Variants in ANKEF1 observed in about 807,000 individuals in gnomAD.
The protein encoded by ANKEF1 is ankyrin repeat and EF-hand domain-containing protein 1.
ANKEF1 carries 43 observed loss-of-function variants against 65.1 expected under a neutral mutation model. The observed-to-expected ratio is 0.66, with a 90% CI of 0.52 to 0.85. ANKEF1 has a LOEUF of 0.85. Among genes scored for constraint, ANKEF1 ranks in the 40% least tolerant of loss-of-function variants. The probability of loss-of-function intolerance (pLI) is 0.00; values close to 1 mark genes in which losing one functional copy is unlikely to be tolerated. For synonymous variants in ANKEF1, 316 were observed against 341.5 expected (o/e 0.93, Z 0.82); for missense variants, 934 against 952.9 (o/e 0.98, Z 0.26).
At chr20:10,054,372 T>G in intron 9 of ANKEF1, 90 bp from the exon 10 acceptor site, 1 of 1,065,478 alleles carries the variant, frequency 9.4e-7, no homozygotes, top group Non-Finnish European at 1.3e-6. Flanking sequence ...GGTTTCTTTC[T>G]GGCTTCAGAG....
Position 10,055,677 on chromosome 20 carries a change from C to G in ANKEF1, c.*17C>G. On this transcript the variant is annotated 3_prime_UTR_variant, in exon 11 of 11. Transcript: ENST00000378392. ...AAGACCTAAGTCATAGCAGTTATTT[C>G]TTGGGGTAAATGCTTTGAGGCCCAG... The G allele has an allele frequency of 6.2e-7, 1 of 1,612,988 alleles. No homozygotes were observed. The highest frequency in any genetic ancestry group is 8.5e-7 in the Non-Finnish European group (1 of 1,179,198).
chr20:10,041,359 T>C (rs1984180544), intron 3 of ANKEF1, among the ~76,000 whole-genome samples: 1 of 152,040 alleles, frequency 6.6e-6, no homozygotes, highest in African/African-American at 2.4e-5. Flanking sequence ...AACCTGTTTA[T>C]TGAGTTAGCA....
chr20:10,045,558 A>G lies in ANKEF1; in HGVS notation c.697-16A>G. 1 of 1,612,018 alleles carries G rather than the reference A, an allele frequency of 6.2e-7. No homozygotes were observed. The highest frequency in any genetic ancestry group is 8.5e-7 in the Non-Finnish European group (1 of 1,178,400). ...ACATTCCTATTCCTCCACAATATCC[A>G]CTATTTATTTTACAGATATTGAAGC... On this transcript the variant is annotated splice_polypyrimidine_tract_variant and intron_variant, in intron 5 of 10. Coordinates refer to ENST00000378392, the MANE Select transcript of ANKEF1 (RefSeq NM_022096.6).
In ANKEF1 at chr20:10,051,777, A is replaced by G. The variant is rs1158352226; in HGVS notation, c.1758A>G (p.Ala586=). ...LLVESGALID[A]ASINNSTPLN... Reference sequence around the variant, plus strand: ...TTGAATCTGGAGCTTTAATAGATGCAGCTTCAATCAACAACTCAACTCCTT... The same window carrying G: ...TTGAATCTGGAGCTTTAATAGATGCGGCTTCAATCAACAACTCAACTCCTT... Residue 586 remains alanine (A), a synonymous_variant, in exon 8 of 11, where the codon GCA becomes GCG. Coordinates refer to ENST00000378392, the MANE Select transcript of ANKEF1 (RefSeq NM_022096.6). The G allele has an allele frequency of 6.2e-7, 1 of 1,613,800 alleles. No individual in the cohort carries two copies. Among genetic ancestry groups the G allele is most frequent in the Non-Finnish European group, 8.5e-7 (1 of 1,179,828 alleles).
intron 9 of ANKEF1, among the ~76,000 whole-genome samples, chr20:10,053,905 G>A (rs1430105836): frequency 2.0e-5 from 3 of 152,148 alleles, no homozygotes; most frequent in Admixed American, 6.6e-5. Flanking sequence ...GAGTTACTGA[G>A]ACATCAAGAC....
intron 4 of ANKEF1, among the ~76,000 whole-genome samples, 190 bp from the exon 5 acceptor site, chr20:10,044,204 G>A (rs146086389): frequency 5.9e-5 from 9 of 152,220 alleles, no homozygotes; most frequent in Non-Finnish European, 1.2e-4. Flanking sequence ...AGAATTCTAC[G>A]TTTTGGATAC....
Position 10,049,434 on chromosome 20 carries a change from G to A in ANKEF1, c.865G>A (p.Ala289Thr). The change falls in exon 7 of 11, where the codon GCT becomes ACT. Residue 289 changes from alanine (A) to threonine (T), a missense_variant. By Grantham distance (58) the Ala-to-Thr change is moderately conservative. Coordinates refer to ENST00000378392, the MANE Select transcript of ANKEF1 (RefSeq NM_022096.6). Reference protein sequence around the residue: ...WKNLDHKTPRAVAKEGGFKAA... With the variant: ...WKNLDHKTPRTVAKEGGFKAA... ...GAATTTAGATCATAAAACGCCCAGG[G>A]CTGTGGCTAAGGAAGGCGGCTTCAA... 3 of 1,614,090 alleles carry A rather than the reference G, an allele frequency of 1.9e-6. No individual in the cohort carries two copies. Among genetic ancestry groups the A allele is most frequent in the Non-Finnish European group, 2.5e-6 (3 of 1,179,976 alleles).
chr20:10,041,505 T>G (rs1461993262), intron 3 of ANKEF1, among the ~76,000 whole-genome samples: 1 of 152,196 alleles, frequency 6.6e-6, no homozygotes, highest in South Asian at 2.1e-4. Flanking sequence ...TATACTCAAT[T>G]ATAATTACTT....
intron 2 of ANKEF1, among the ~76,000 whole-genome samples, chr20:10,036,418 GATA>G (rs1983862269): frequency 6.6e-6 from 1 of 151,882 alleles, no homozygotes; most frequent in Admixed American, 6.5e-5. Flanking sequence ...GAATATGGCC[GATA>G]ATAATAAAAC....
At chr20:10,036,669 C>G (rs779605801) in intron 2 of ANKEF1, among the ~76,000 whole-genome samples, 11 of 152,194 alleles carry the variant, frequency 7.2e-5, no homozygotes, top group Admixed American at 1.3e-4. Flanking sequence ...TGGTGAAACC[C>G]TGTCTTTACT....
rs771199250 is a variant in ANKEF1, at chr20:10,049,580, G to C, written c.1011G>C (p.Glu337Asp). Reference protein sequence around the residue: ...LRLHDWSVEREAFLREAFAVL... With the variant: ...LRLHDWSVERDAFLREAFAVL... ...TGCACGATTGGTCCGTAGAACGTGAGGCTTTCCTCCGGGAAGCCTTTGCGG... is the reference window on the plus strand; with the variant it reads ...TGCACGATTGGTCCGTAGAACGTGACGCTTTCCTCCGGGAAGCCTTTGCGG... The change falls in exon 7 of 11, where the codon GAG becomes GAC. Residue 337 changes from glutamate (E) to aspartate (D), a missense_variant. Coordinates refer to ENST00000378392, the MANE Select transcript of ANKEF1 (RefSeq NM_022096.6). 6.2e-7 allele frequency: 1 copy of C among 1,614,118 alleles called. No homozygotes were observed. The highest frequency in any genetic ancestry group is 8.5e-7 in the Non-Finnish European group (1 of 1,180,022).
In ANKEF1 at chr20:10,043,177, C is replaced by T. The variant is rs772488530; in HGVS notation, c.402C>T (p.Ile134=). 9 of 1,614,106 alleles carry T rather than the reference C, an allele frequency of 5.6e-6. No homozygotes were observed. In the East Asian group the frequency reaches 6.7e-5, roughly 12 times the overall value. Residue 134 remains isoleucine (I), a synonymous_variant, in exon 4 of 11, where the codon ATC becomes ATT. Coordinates refer to ENST00000378392, the MANE Select transcript of ANKEF1 (RefSeq NM_022096.6). ...PTKRHYRCAL[I]ALEHGADVNN... Reference sequence around the variant, plus strand: ...AGCGGCATTATCGCTGTGCTCTGATCGCCCTTGAACATGGTGCAGATGTCA... The same window carrying T: ...AGCGGCATTATCGCTGTGCTCTGATTGCCCTTGAACATGGTGCAGATGTCA...
chr20:10,049,409 G>T lies in ANKEF1; in HGVS notation c.840G>T (p.Lys280Asn). ...IAQRGCDLKWKNLDHKTPRAV... is the reference protein window; with the variant it reads ...IAQRGCDLKWNNLDHKTPRAV... Reference sequence around the variant, plus strand: ...TTTTAGGATGTGACCTGAAATGGAAGAATTTAGATCATAAAACGCCCAGGG... The same window carrying T: ...TTTTAGGATGTGACCTGAAATGGAATAATTTAGATCATAAAACGCCCAGGG... The change falls in exon 7 of 11, where the codon AAG becomes AAT. Residue 280 changes from lysine (K) to asparagine (N), a missense_variant. Coordinates refer to ENST00000378392, the MANE Select transcript of ANKEF1 (RefSeq NM_022096.6). The T allele has an allele frequency of 1.2e-6, 2 of 1,610,766 alleles. No homozygotes were observed. The highest frequency in any genetic ancestry group is 1.1e-5 in the South Asian group (1 of 90,614).
chr20:10,054,418 G>C (rs1322771116), intron 9 of ANKEF1, 44 bp from the exon 10 acceptor site: 3 of 1,433,882 alleles, frequency 2.1e-6, no homozygotes, highest in African/African-American at 1.5e-5. Context: ...TAGAAAATCA[G>C]TATAGATTTT....
chr20:10,049,933 T>C lies in ANKEF1; in HGVS notation c.1364T>C (p.Met455Thr), dbSNP rs367588188. ...RRQDGGPPYY[M>T]IETYKNVTDS... ...CAGGATGGTGGGCCACCGTATTACA[T>C]GATTGAGACCTACAAGAATGTCACT... Residue 455 changes from methionine to threonine, a missense_variant, in exon 7 of 11, where the codon ATG becomes ACG. By Grantham distance (81) the Met-to-Thr change is moderately conservative. Coordinates refer to ENST00000378392, the MANE Select transcript of ANKEF1 (RefSeq NM_022096.6). 6.8e-6 allele frequency: 11 copies of C among 1,614,094 alleles called. No individual in the cohort carries two copies. The African/African-American group carries it at 1.3e-4, about 20-fold the overall frequency.
At chr20:10,036,222 C>G (rs1168212949) in intron 2 of ANKEF1, among the ~76,000 whole-genome samples, 1 of 152,206 alleles carries the variant, frequency 6.6e-6, no homozygotes, top group Non-Finnish European at 1.5e-5. Flanking sequence ...ACTGTAGCTG[C>G]TAATTAATTC....
rs7260784 is a variant in ANKEF1, at chr20:10,038,521, C to A, written c.220C>A (p.Pro74Thr). Residue 74 changes from proline to threonine, a missense_variant, in exon 3 of 11, where the codon CCT (proline) becomes ACT (threonine). Transcript: ENST00000378392. ...CTTTCTCCTTGACCTTGGTGCTCACCCTGATGTGCAAGACCGAATGGGCTG... is the reference window on the plus strand; with the variant it reads ...CTTTCTCCTTGACCTTGGTGCTCACACTGATGTGCAAGACCGAATGGGCTG... Reference protein sequence around the residue: ...VSFLLDLGAHPDVQDRMGCTP... With the variant: ...VSFLLDLGAHTDVQDRMGCTP... The A allele has an allele frequency of 2.5e-3, 4,060 of 1,614,180 alleles. 91 individuals carry two copies. The African/African-American group carries it at 0.049, about 19-fold the overall frequency.
chr20:10,040,911 G>A (rs1482016180), intron 3 of ANKEF1, among the ~76,000 whole-genome samples: 1 of 150,390 alleles, frequency 6.6e-6, no homozygotes, highest in Non-Finnish European at 1.5e-5. Flanking sequence ...TCTATGTCTT[G>A]CTCTTTCTTT....
chr20:10,050,227 C>T lies in ANKEF1; in HGVS notation c.1643+15C>T, dbSNP rs1476794932. ...CTTGAAAAAGGGTACGCGTCTCCGT[C>T]GGGTGTGGCCTAAATTTTCACGAGT... On this transcript the variant is annotated intron_variant, in intron 7 of 10. Coordinates refer to ENST00000378392, the MANE Select transcript of ANKEF1 (RefSeq NM_022096.6). The T allele has an allele frequency of 6.4e-6, 10 of 1,560,892 alleles. No individual in the cohort carries two copies. The highest frequency in any genetic ancestry group is 3.9e-5 in the Admixed American group (2 of 51,254).
Sources: gnomAD v4.1 joint callset for allele counts (sites outside exome capture counted in the v4.1 genomes callset) on GRCh38, gnomAD v4.1.1 for gene constraint, MANE v1.5 for transcripts, NCBI Gene and HGNC (gene_info 2026-07-23, HGNC 2026-07-21) for gene names.